TMX3: variants seen among roughly 807,000 people sequenced by gnomAD.
TMX3 encodes thioredoxin related transmembrane protein 3.
A neutral mutation model predicts 64.4 loss-of-function variants in TMX3; 40 were observed. The observed-to-expected ratio is 0.62, with a 90% CI of 0.48 to 0.81. TMX3 has a LOEUF of 0.81. TMX3 is among the 30% of genes least tolerant of loss of function. TMX3 has a pLI of 0.00. For missense variants in TMX3, 497 were observed against 534.5 expected (o/e 0.93, Z 0.69); for synonymous variants, 189 against 175.7 (o/e 1.08, Z -0.60).
In TMX3 at chr18:68,675,223, C is replaced by G. The variant is rs554279215; in HGVS notation, c.*1710G>C. 1.3e-5 allele frequency: 2 copies of G among 152,220 alleles called. No individual in the cohort carries two copies. Among genetic ancestry groups the G allele is most frequent in the African/African-American group, 2.4e-5 (1 of 41,558 alleles). The allele number at this position is 152,220 out of a possible 1,614,324, so 9.4% of individuals were successfully genotyped here. On this transcript the variant is annotated 3_prime_UTR_variant, in exon 16 of 16. Coordinates refer to ENST00000299608, the MANE Select transcript of TMX3 (RefSeq NM_019022.5). The stretch of plus-strand genomic sequence containing the variant: ...AACATTTATCTTCCCAAGAATCACT[C>G]ATCATTCTTTGGAGAAGAATCTACT...
In TMX3 at chr18:68,712,980, G is replaced by T. The variant is rs560947594; in HGVS notation, c.101+866C>A. ...ACAATCACAGCTTTATTCACTTACT[G>T]TGACAGTGCAAGTCAAGAGGTTTAA... is the stretch of plus-strand genomic sequence containing the variant. On this transcript the variant is annotated intron_variant, in intron 2 of 15. Transcript: ENST00000299608. Among the ~76,000 whole-genome samples, 227 of 146,908 alleles carry T rather than the reference G, an allele frequency of 1.5e-3. 2 individuals are homozygous for T. The highest frequency in any genetic ancestry group is 5.6e-3 in the African/African-American group (219 of 39,300).
At chr18:68,708,429 C>A (rs1399145348) in intron 4 of TMX3, among the ~76,000 whole-genome samples, 3 of 152,070 alleles carry the variant, frequency 2.0e-5, no homozygotes, top group African/African-American at 7.2e-5. Context: ...CATAGTTCAG[C>A]AACTATGCTA....
At chr18:68,687,159 A>G in intron 10 of TMX3, 3 of 985,024 alleles carry the variant, frequency 3.0e-6, no homozygotes, top group Middle Eastern at 1.0e-3. Context: ...TTAGCTTCTT[A>G]TTTTTATAGT....
At chr18:68,687,192 G>A (rs309219) in intron 10 of TMX3, 24,387 of 985,106 alleles carry the variant, frequency 0.025, 1,597 homozygotes, top group African/African-American at 0.23. Flanking sequence ...CCATATAATC[G>A]GCTTCTTACA....
At chr18:68,703,645 T>C (rs1457039561) in intron 4 of TMX3, among the ~76,000 whole-genome samples, 3 of 152,182 alleles carry the variant, frequency 2.0e-5, no homozygotes, top group Non-Finnish European at 4.4e-5. Flanking sequence ...AGTCTTAGAT[T>C]CCTCTAAAAG....
intron 8 of TMX3, among the ~76,000 whole-genome samples, chr18:68,693,478 T>C (rs1012153797): frequency 6.7e-6 from 1 of 148,160 alleles, no homozygotes; most frequent in Non-Finnish European, 1.5e-5. Context: ...TCCTGCTCCC[T>C]GGACTCTCCC....
intron 4 of TMX3, among the ~76,000 whole-genome samples, chr18:68,708,021 A>G (rs1195355552): frequency 7.8e-6 from 1 of 128,640 alleles, no homozygotes; most frequent in Non-Finnish European, 1.5e-5. Context: ...ATATGTGTAT[A>G]TATGTGTATA....
chr18:68,696,785 G>GT (rs945665605), intron 8 of TMX3, among the ~76,000 whole-genome samples: 5 of 151,942 alleles, frequency 3.3e-5, no homozygotes, highest in East Asian at 1.9e-4. Flanking sequence ...CCTTTAATTT[G>GT]TTTTTTCATA....
At chr18:68,684,153 C>T (rs1377883735) in intron 12 of TMX3, 37 bp downstream of exon 12, 1 of 1,511,622 alleles carries the variant, frequency 6.6e-7, no homozygotes, top group African/African-American at 1.4e-5. Context: ...TGGTATTAAA[C>T]AAAAATAAAG....
intron 9 of TMX3, among the ~76,000 whole-genome samples, chr18:68,689,253 C>T (rs1428864369): frequency 6.6e-6 from 1 of 152,126 alleles, no homozygotes; most frequent in Non-Finnish European, 1.5e-5. Flanking sequence ...CTTAACATAT[C>T]ATATTCCTGT....
intron 4 of TMX3, among the ~76,000 whole-genome samples, chr18:68,708,031 A>ATG (rs1568203393): frequency 3.8e-5 from 5 of 130,740 alleles, no homozygotes; most frequent in African/African-American, 2.1e-4. Context: ...ATATGTGTAT[A>ATG]TGTGTATATA....
intron 6 of TMX3, among the ~76,000 whole-genome samples, chr18:68,698,991 C>T (rs145183254): frequency 0.011 from 1,626 of 149,606 alleles, 10 homozygotes; most frequent in African/African-American, 0.017. Context: ...CACTGCAGTC[C>T]AGCCTGGGCG....
In TMX3 at chr18:68,674,665, A is replaced by T. The variant is rs1912784623; in HGVS notation, c.*2268T>A. 6.6e-6 allele frequency: 1 copy of T among 152,186 alleles called. No homozygotes were observed. The highest frequency in any genetic ancestry group is 1.5e-5 in the Non-Finnish European group (1 of 67,988). 9.4% of individuals were successfully genotyped at this position (152,186 alleles called of 1,614,324 possible). On this transcript the variant is annotated 3_prime_UTR_variant, in exon 16 of 16. Transcript: ENST00000299608. ...GATATCACATTGAAGGGAACAGCAT[A>T]CGAGCAAACAAATTTTAGAATCTGT...
rs151131158 is a variant in TMX3, at chr18:68,676,171, A to G, written c.*762T>C. 568 of 152,310 alleles carry G rather than the reference A, an allele frequency of 3.7e-3. 3 individuals carry two copies. The highest frequency in any genetic ancestry group is 0.013 in the African/African-American group (544 of 41,568). The allele number at this position is 152,310 out of a possible 1,614,324, so 9.4% of individuals were successfully genotyped here. A position where few individuals can be genotyped will look rare whatever the true frequency, so the allele number is the denominator to read the frequency against. ...TAGGCTATTCTGGCTAAAGCAGAGTAGGATTAACAGAGACCCTTCCCAACC... is the reference window on the plus strand; with the variant it reads ...TAGGCTATTCTGGCTAAAGCAGAGTGGGATTAACAGAGACCCTTCCCAACC... On this transcript the variant is annotated 3_prime_UTR_variant, in exon 16 of 16. Transcript: ENST00000299608.
chr18:68,698,740 G>A (rs940851585), intron 6 of TMX3, among the ~76,000 whole-genome samples: 1 of 152,068 alleles, frequency 6.6e-6, no homozygotes, highest in Non-Finnish European at 1.5e-5. Flanking sequence ...AAGAGGGCCG[G>A]GGGCGGTGGC....
chr18:68,681,470 T>C, intron 13 of TMX3: 1 of 985,308 alleles, frequency 1.0e-6, no homozygotes, highest in Non-Finnish European at 1.2e-6. Flanking sequence ...ATTGTATAGA[T>C]ACTTTTTTTC....
At chr18:68,694,129 T>C (rs1312484452) in intron 8 of TMX3, among the ~76,000 whole-genome samples, 2 of 152,114 alleles carry the variant, frequency 1.3e-5, no homozygotes, top group Non-Finnish European at 2.9e-5. Flanking sequence ...ACCCACTGAA[T>C]GGAGGGACTG....
intron 3 of TMX3, among the ~76,000 whole-genome samples, chr18:68,710,826 A>G (rs1043822520): frequency 6.6e-6 from 1 of 152,188 alleles, no homozygotes; most frequent in Non-Finnish European, 1.5e-5. Flanking sequence ...TTAAACAGTG[A>G]TCTGTCAACT....
chr18:68,705,685 A>T (rs944066291), intron 4 of TMX3, among the ~76,000 whole-genome samples: 12 of 152,238 alleles, frequency 7.9e-5, no homozygotes, highest in African/African-American at 2.9e-4. Flanking sequence ...AGAGGTATGT[A>T]CAAAAAGAGA....
Sources: gnomAD v4.1 joint callset for allele counts (sites outside exome capture counted in the v4.1 genomes callset) on GRCh38, gnomAD v4.1.1 for gene constraint, MANE v1.5 for transcripts, NCBI Gene and HGNC (gene_info 2026-07-23, HGNC 2026-07-21) for gene names.